Variants in SLC35F3 observed in about 807,000 individuals in gnomAD.
SLC35F3 encodes the protein putative thiamine transporter SLC35F3.
Under a neutral mutation model 49.9 loss-of-function variants are expected in SLC35F3, and 25 were observed. That is an observed-to-expected ratio of 0.50 (90% CI 0.37 to 0.70). The LOEUF is 0.70. SLC35F3 is among the 30% of genes least tolerant of loss of function. SLC35F3 has a pLI of 0.00. For missense variants in SLC35F3, 525 were observed against 639.8 expected, an observed-to-expected ratio of 0.82 and a Z score of 1.94; for synonymous variants, 275 against 265.4, an observed-to-expected ratio of 1.04 and a Z score of -0.35.
At chr1:233,978,388 A>G (rs1308499326) in intron 2 of SLC35F3, among the ~76,000 whole-genome samples, 1 of 152,254 alleles carries the variant, frequency 6.6e-6, no homozygotes, top group East Asian at 1.9e-4. Context: ...AGGCGTATGT[A>G]ATGACGAGGG....
At chr1:234,243,652 G>GC (rs1470640062) in intron 3 of SLC35F3, among the ~76,000 whole-genome samples, 1 of 152,176 alleles carries the variant, frequency 6.6e-6, no homozygotes, top group Non-Finnish European at 1.5e-5. Flanking sequence ...TCCTGGCCAA[G>GC]CCCCCAGCTC....
At chr1:234,166,820 C>T (rs1420120791) in intron 2 of SLC35F3, among the ~76,000 whole-genome samples, 2 of 152,226 alleles carry the variant, frequency 1.3e-5, no homozygotes, top group Non-Finnish European at 2.9e-5. Flanking sequence ...GTTGAAAGAT[C>T]TTGTGGTTCC....
At chr1:234,135,343 A>G (rs1374573589) in intron 2 of SLC35F3, among the ~76,000 whole-genome samples, 1 of 152,234 alleles carries the variant, frequency 6.6e-6, no homozygotes, top group Non-Finnish European at 1.5e-5. Flanking sequence ...ACCTGTAAGT[A>G]TATGCACCTA....
intron 2 of SLC35F3, among the ~76,000 whole-genome samples, chr1:234,215,992 T>C (rs1251687772): frequency 6.6e-6 from 1 of 152,104 alleles, no homozygotes; most frequent in Non-Finnish European, 1.5e-5. Flanking sequence ...CTTTAGGAGG[T>C]TGGGTTTTTT....
intron 2 of SLC35F3, among the ~76,000 whole-genome samples, chr1:234,139,953 A>ATAAAAT: frequency 8.5e-6 from 1 of 117,714 alleles, no homozygotes; most frequent in South Asian, 2.7e-4. Flanking sequence ...TCTCAAAATA[A>ATAAAAT]TAAAATAAAA....
At chr1:234,076,464 ATT>A (rs113403039) in intron 2 of SLC35F3, among the ~76,000 whole-genome samples, 5 of 144,640 alleles carry the variant, frequency 3.5e-5, no homozygotes, top group Admixed American at 6.9e-5. Flanking sequence ...CATCATAATA[ATT>A]TTTTTTTTTT....
intron 2 of SLC35F3, among the ~76,000 whole-genome samples, chr1:234,221,930 A>G (rs1022253186): frequency 2.6e-5 from 4 of 152,226 alleles, no homozygotes; most frequent in African/African-American, 9.6e-5. Context: ...AGATTGGCTT[A>G]TCTGATTAAA....
At chr1:234,087,634 G>A (rs1664980750) in intron 2 of SLC35F3, among the ~76,000 whole-genome samples, 2 of 152,158 alleles carry the variant, frequency 1.3e-5, no homozygotes, top group African/African-American at 4.8e-5. Flanking sequence ...GCTTTGGTGA[G>A]CCTTTCAAAG....
chr1:233,984,128 A>G (rs1171295409), intron 2 of SLC35F3, among the ~76,000 whole-genome samples: 1 of 152,198 alleles, frequency 6.6e-6, no homozygotes, highest in Admixed American at 6.5e-5. Flanking sequence ...GGTCCCAGGA[A>G]GGTATTTTCT....
chr1:234,230,966 C>G (rs904789994), intron 2 of SLC35F3, among the ~76,000 whole-genome samples: 1 of 152,184 alleles, frequency 6.6e-6, no homozygotes, highest in African/African-American at 2.4e-5. Flanking sequence ...TCTCCAGCCC[C>G]CAGTACTGCC....
chr1:234,293,766 G>A (rs1668547091), intron 3 of SLC35F3, among the ~76,000 whole-genome samples: 1 of 152,156 alleles, frequency 6.6e-6, no homozygotes, highest in Non-Finnish European at 1.5e-5. Context: ...AGAAATCAGT[G>A]TTATCCAAAA....
chr1:234,134,333 A>G (rs1665778237), intron 2 of SLC35F3, among the ~76,000 whole-genome samples: 1 of 148,814 alleles, frequency 6.7e-6, no homozygotes, highest in Non-Finnish European at 1.5e-5. Flanking sequence ...AATTATACAA[A>G]TGTGTTAAAT....
At chr1:234,093,852 G>A (rs1665080933) in intron 2 of SLC35F3, among the ~76,000 whole-genome samples, 1 of 152,258 alleles carries the variant, frequency 6.6e-6, no homozygotes, top group African/African-American at 2.4e-5. Flanking sequence ...TGCACGTGGT[G>A]ACAAGATGAT....
At chr1:234,058,992 T>C (rs998006727) in intron 2 of SLC35F3, among the ~76,000 whole-genome samples, 5 of 152,220 alleles carry the variant, frequency 3.3e-5, no homozygotes, top group Non-Finnish European at 5.9e-5. Context: ...TATGATACTT[T>C]ATATTTCTGT....
chr1:234,055,229 C>CCTGCCCCCAGAGGT (rs1664439186), intron 2 of SLC35F3, among the ~76,000 whole-genome samples: 1 of 152,280 alleles, frequency 6.6e-6, no homozygotes, highest in East Asian at 1.9e-4. Flanking sequence ...TCAGCTATGC[C>CCTGCCCCCAGAGGT]CTGCCCCCAG....
At chr1:234,236,925 T>TTTTATATATATATATA (rs1553317673) in intron 3 of SLC35F3, among the ~76,000 whole-genome samples, 10 of 96,294 alleles carry the variant, frequency 1.0e-4, no homozygotes, top group African/African-American at 2.8e-4. Flanking sequence ...AAAAAAAAAA[T>TTTTATATATATATATA]TATATATATA....
chr1:234,282,195 T>C (rs1393633960), intron 3 of SLC35F3, among the ~76,000 whole-genome samples: 1 of 152,154 alleles, frequency 6.6e-6, no homozygotes, highest in Non-Finnish European at 1.5e-5. Flanking sequence ...TGTGCTCAGT[T>C]TGGAGGAATA....
chr1:234,318,932 T>C lies in SLC35F3; in HGVS notation c.1136T>C (p.Val379Ala), dbSNP rs1657553938. Reference sequence around the variant, plus strand: ...TGGGGAAACCTTTGTGGATTTTCAGTTCTTTTATTGAGTAAGTGCTAATCA... The same window carrying C: ...TGGGGAAACCTTTGTGGATTTTCAGCTCTTTTATTGAGTAAGTGCTAATCA... ...IPWGNLCGFS[V>A]LLLTFNIVLN... Residue 379 changes from valine (V) to alanine (A), a missense_variant, in exon 6 of 8, where the codon GTT becomes GCT. By Grantham distance (64) the Val-to-Ala change is moderately conservative. Around this residue, in one of 4 missense-constraint regions of SLC35F3, gnomAD observed 216 missense variants for 298.1 expected, o/e 0.72. Coordinates refer to ENST00000366618, the MANE Select transcript of SLC35F3 (RefSeq NM_173508.4). 1 of 1,613,890 alleles carries C rather than the reference T, an allele frequency of 6.2e-7. No homozygotes were observed. Among genetic ancestry groups the C allele is most frequent in the African/African-American group, 1.3e-5 (1 of 74,924 alleles).
rs541898144 is a variant in SLC35F3, at chr1:233,939,886, G to A, written c.283+34128G>A. 3.9e-5 allele frequency among the ~76,000 whole-genome samples: 6 copies of A among 152,292 alleles called. No homozygotes were observed. In the South Asian group the frequency reaches 8.3e-4, roughly 21 times the overall value. On this transcript the variant is annotated intron_variant, in intron 2 of 7. Transcript: ENST00000366618. ...CTATGGAAACCATTAAAAATTCAAA[G>A]ATCAAAGGTCACAGTAGGTCCTTTA...
Sources: gnomAD v4.1 joint callset for allele counts (sites outside exome capture counted in the v4.1 genomes callset) on GRCh38, gnomAD v4.1.1 for gene constraint, gnomAD v4.1.1 regional missense constraint, MANE v1.5 for transcripts, NCBI Gene and HGNC (gene_info 2026-07-23, HGNC 2026-07-21) for gene names.